The following ELP1 variants were observed in gnomAD, a reference collection of about 807,000 sequenced individuals.
ELP1 encodes elongator complex protein 1.
Under a neutral mutation model 183.2 loss-of-function variants are expected in ELP1, and 131 were observed. The ratio of observed to expected loss-of-function variants is 0.72; its 90% CI spans 0.62 to 0.83. The LOEUF (loss-of-function observed/expected upper bound fraction) is 0.83. Among genes scored for constraint, ELP1 ranks in the 40% least tolerant of loss-of-function variants. ELP1 has a pLI of 0.00. For synonymous variants in ELP1, 555 were observed against 569.0 expected (o/e 0.98, Z 0.35); for missense variants, 1,550 against 1,594.9 (o/e 0.97, Z 0.48).
intron 10 of ELP1, among the ~76,000 whole-genome samples, chr9:108,913,546 C>G (rs1228408639): frequency 6.6e-6 from 1 of 152,152 alleles, no homozygotes; most frequent in African/African-American, 2.4e-5. Context: ...AACCTAGTCT[C>G]AAACCGCATT....
intron 10 of ELP1, among the ~76,000 whole-genome samples, chr9:108,915,425 A>C (rs1438504862): frequency 6.6e-6 from 1 of 152,266 alleles, no homozygotes; most frequent in Non-Finnish European, 1.5e-5. Context: ...TGAAGACCTT[A>C]AAAGCAAAAA....
chr9:108,910,884 A>G, intron 12 of ELP1, 126 bp downstream of exon 12: 2 of 766,370 alleles, frequency 2.6e-6, no homozygotes, highest in Non-Finnish European at 4.6e-6. Flanking sequence ...TGATAATGAT[A>G]TCAACTGCAG....
At position 108,897,177 on chromosome 9, in the gene ELP1, T is replaced by A. The variant is rs769539986; in HGVS notation, c.2472A>T (p.Arg824Ser). ...NKIDLVCDAM[R>S]AVMESINPHK... is the part of the protein sequence containing the mutation. ...GAGGATTTATGCTCTCCATGACTGC[T>A]CTCATAGCATCGCAGACAAGGTCTA... Residue 824 changes from arginine (R) to serine (S), a missense_variant, in exon 23 of 37, where the codon AGA becomes AGT. Coordinates refer to ENST00000374647, the MANE Select transcript of ELP1 (RefSeq NM_003640.5). 6.2e-7 allele frequency: 1 copy of A among 1,614,136 alleles called. No individual in the cohort carries two copies. Among genetic ancestry groups the A allele is most frequent in the Admixed American group, 1.7e-5 (1 of 60,016 alleles).
chr9:108,914,677 G>A (rs1208000934), intron 10 of ELP1, among the ~76,000 whole-genome samples: 1 of 152,088 alleles, frequency 6.6e-6, no homozygotes, highest in Admixed American at 6.5e-5. Flanking sequence ...AGGCTGGAGT[G>A]CAGTGGCACG....
At chr9:108,919,184 G>T (rs1207960360) in intron 7 of ELP1, 69 bp downstream of exon 7, 3 of 1,107,932 alleles carry the variant, frequency 2.7e-6, no homozygotes, top group South Asian at 2.7e-5. Context: ...GCAAAAGAAA[G>T]AAAATTTTCC....
chr9:108,931,418 G>A lies in ELP1; in HGVS notation c.-55-217C>T, dbSNP rs76870858. On this transcript the variant is annotated intron_variant, in intron 1 of 36. Coordinates refer to ENST00000374647, the MANE Select transcript of ELP1 (RefSeq NM_003640.5). ...TTAGGAATTCTGAAACCTATTTTATGTTCTTTTTAGGAGAGGCAAGATTCT... is the reference window on the plus strand; with the variant it reads ...TTAGGAATTCTGAAACCTATTTTATATTCTTTTTAGGAGAGGCAAGATTCT... Among the ~76,000 whole-genome samples the A allele has an allele frequency of 2.7e-3, 412 of 152,264 alleles. 15 individuals are homozygous for A. In the East Asian group the frequency reaches 0.066, roughly 24 times the overall value.
At chr9:108,905,966 T>C (rs1420429683) in intron 14 of ELP1, among the ~76,000 whole-genome samples, 1 of 152,066 alleles carries the variant, frequency 6.6e-6, no homozygotes, top group African/African-American at 2.4e-5. Context: ...AATTAGCCAC[T>C]CTAATTATGC....
At chr9:108,875,323 G>A (rs889392374) in intron 35 of ELP1, among the ~76,000 whole-genome samples, 14 of 152,216 alleles carry the variant, frequency 9.2e-5, no homozygotes, top group South Asian at 2.1e-4. Context: ...TCAATTATAC[G>A]CAAAGAGTTA....
At chr9:108,924,339 G>C (rs1829757873) in intron 5 of ELP1, among the ~76,000 whole-genome samples, 1 of 151,804 alleles carries the variant, frequency 6.6e-6, no homozygotes, top group African/African-American at 2.4e-5. Flanking sequence ...TTCAGAACAA[G>C]TCTACTGACC....
At chr9:108,893,411 T>G (rs1359677731) in intron 26 of ELP1, among the ~76,000 whole-genome samples, 2 of 152,156 alleles carry the variant, frequency 1.3e-5, no homozygotes, top group Non-Finnish European at 2.9e-5. Flanking sequence ...ACCACCTGAA[T>G]CAGATTCTCC....
chr9:108,893,908 G>C, intron 26 of ELP1, 35 bp downstream of exon 26: 1 of 1,611,580 alleles, frequency 6.2e-7, no homozygotes, highest in East Asian at 2.2e-5. Flanking sequence ...AAGAAGATCT[G>C]AAGTAGAGAT....
At chr9:108,905,980 A>G (rs149894796) in intron 14 of ELP1, among the ~76,000 whole-genome samples, 3 of 152,290 alleles carry the variant, frequency 2.0e-5, no homozygotes, top group Admixed American at 2.0e-4. Context: ...ATTATGCTTG[A>G]CAGTTATTAA....
Position 108,897,263 on chromosome 9 carries a change from T to C in ELP1, c.2386A>G (p.Met796Val), listed in dbSNP as rs748482757. The C allele has an allele frequency of 3.4e-5, 55 of 1,614,044 alleles. No homozygotes were observed. Among genetic ancestry groups the C allele is most frequent in the Non-Finnish European group, 4.6e-5 (54 of 1,180,028 alleles). ...CTGCTGGTAACTGGTGCAGGGTACA[T>C]GGTCTTCGTGACATCTTCTTCTCTA... ...ELKEEDVTKTMYPAPVTSSVY... is the reference protein window; with the variant it reads ...ELKEEDVTKTVYPAPVTSSVY... Residue 796 changes from methionine (M) to valine (V), a missense_variant, in exon 23 of 37, where the codon ATG becomes GTG. Physicochemically the swap from Met to Val is conservative, Grantham distance 21. Coordinates refer to ENST00000374647, the MANE Select transcript of ELP1 (RefSeq NM_003640.5).
chr9:108,900,978 C>T (rs918185760), intron 18 of ELP1, among the ~76,000 whole-genome samples: 2 of 151,056 alleles, frequency 1.3e-5, no homozygotes, highest in African/African-American at 4.9e-5. Context: ...ACATACACGC[C>T]ACACACACAG....
intron 14 of ELP1, 45 bp from the exon 15 acceptor site, chr9:108,903,714 C>CA (rs1564090235): frequency 1.5e-6 from 2 of 1,360,880 alleles, no homozygotes; most frequent in Non-Finnish European, 2.1e-6. Flanking sequence ...CCATTTTTCT[C>CA]AAAAATAGTG....
intron 36 of ELP1, among the ~76,000 whole-genome samples, chr9:108,872,731 G>A (rs1461488520): frequency 7.1e-6 from 1 of 140,758 alleles, no homozygotes; most frequent in Non-Finnish European, 1.5e-5. Flanking sequence ...CGTGAACCCG[G>A]GAGGCGGAGC....
At chr9:108,927,894 G>A (rs952065144) in intron 3 of ELP1, among the ~76,000 whole-genome samples, 2 of 152,170 alleles carry the variant, frequency 1.3e-5, no homozygotes, top group African/African-American at 4.8e-5. Flanking sequence ...GCTGGGAAGG[G>A]TAGTGAGGGG....
At chr9:108,871,426 G>A (rs1456677104) in intron 36 of ELP1, among the ~76,000 whole-genome samples, 1 of 151,988 alleles carries the variant, frequency 6.6e-6, no homozygotes, top group African/African-American at 2.4e-5. Flanking sequence ...TTAACTTCAG[G>A]GACAAATCGA....
Position 108,901,397 on chromosome 9 carries a change from A to G in ELP1, c.2014+28T>C, listed in dbSNP as rs371411218. 5 of 1,475,010 alleles carry G rather than the reference A, an allele frequency of 3.4e-6. No individual in the cohort carries two copies. The African/African-American group carries it at 5.6e-5, about 16-fold the overall frequency. 91.4% of individuals were successfully genotyped at this position (1,475,010 alleles called of 1,614,324 possible). A position where few individuals can be genotyped will look rare whatever the true frequency, so the allele number is the denominator to read the frequency against. ...TCCAAAAGACATTGGAGAAGGGACCATTTCTGTTTTATACATTGAAAACTT... is the reference window on the plus strand; with the variant it reads ...TCCAAAAGACATTGGAGAAGGGACCGTTTCTGTTTTATACATTGAAAACTT... On this transcript the variant is annotated intron_variant, in intron 18 of 36. Coordinates refer to ENST00000374647, the MANE Select transcript of ELP1 (RefSeq NM_003640.5).
Sources: allele counts gnomAD v4.1 joint callset (sites outside exome capture counted in the v4.1 genomes callset), GRCh38; gene constraint gnomAD v4.1.1; transcripts MANE v1.5; gene names NCBI Gene and HGNC (gene_info 2026-07-23, HGNC 2026-07-21).